The following SHANK2 variants were observed in gnomAD, a reference collection of about 807,000 sequenced individuals.
SHANK2 encodes the protein SH3 and multiple ankyrin repeat domains protein 2.
Under a neutral mutation model 133.7 loss-of-function variants are expected in SHANK2, and 43 were observed. That is an observed-to-expected ratio of 0.32 (90% CI 0.25 to 0.41). SHANK2 has a LOEUF of 0.41. Among genes scored for constraint, SHANK2 ranks in the 10% least tolerant of loss-of-function variants. SHANK2 has a pLI of 1.00. For synonymous variants in SHANK2, 1,017 were observed against 952.8 expected, an observed-to-expected ratio of 1.07 and a Z score of -1.24; for missense variants, 1,994 against 2,235.8, an observed-to-expected ratio of 0.89 and a Z score of 2.18.
chr11:70,817,787 T>C (rs565599318), intron 12 of SHANK2, among the ~76,000 whole-genome samples: 25 of 152,254 alleles, frequency 1.6e-4, no homozygotes, highest in African/African-American at 5.5e-4. Context: ...CAGGCCGGAG[T>C]GCAGTGGTGC....
At chr11:71,086,422 ATAT>A (rs1484035644) in intron 8 of SHANK2, among the ~76,000 whole-genome samples, 5 of 131,040 alleles carry the variant, frequency 3.8e-5, no homozygotes, top group Middle Eastern at 7.1e-3. Flanking sequence ...TATATAATAC[ATAT>A]TATATATTTA....
In SHANK2 at chr11:70,473,276, T is replaced by C. The variant is rs1401247629; in HGVS notation, c.5143A>G (p.Thr1715Ala). 1.5e-5 allele frequency: 24 copies of C among 1,613,328 alleles called. No homozygotes were observed. Among genetic ancestry groups the C allele is most frequent in the Non-Finnish European group, 1.7e-5 (20 of 1,179,464 alleles). Residue 1715 changes from threonine to alanine, a missense_variant, in exon 26 of 26, where the codon ACA becomes GCA. This residue lies in a region of SHANK2 where 797 missense variants were observed against 907.4 expected (regional missense o/e 0.88). Transcript: ENST00000601538. The surrounding 1 kb of genome is among the most constrained non-coding windows in gnomAD (Gnocchi z 5.9). ...RRAPSPVVSP[T>A]EMNKETLPAP... ...GGCAGGGTCTCTTTGTTCATCTCTGTTGGCGAGACCACAGGGCTTGGGGCA... is the reference window on the plus strand; with the variant it reads ...GGCAGGGTCTCTTTGTTCATCTCTGCTGGCGAGACCACAGGGCTTGGGGCA...
chr11:70,775,340 C>A (rs1224740720), intron 14 of SHANK2, among the ~76,000 whole-genome samples: 4 of 152,118 alleles, frequency 2.6e-5, no homozygotes, highest in African/African-American at 9.7e-5. Context: ...TTTGTAATCC[C>A]AGCTACTCGG....
rs1312050256 is a variant in SHANK2 at position 70,468,287 on chromosome 11, A to G, written c.*4582T>C. 3 of 152,198 alleles carry G rather than the reference A, an allele frequency of 2.0e-5. No individual in the cohort carries two copies. Among genetic ancestry groups the G allele is most frequent in the South Asian group, 2.1e-4 (1 of 4,832 alleles). The allele number at this position is 152,198 out of a possible 1,614,324, so 9.4% of individuals were successfully genotyped here. On this transcript the variant is annotated 3_prime_UTR_variant, in exon 26 of 26. Coordinates refer to ENST00000601538, the MANE Select transcript of SHANK2 (RefSeq NM_012309.5). ...TAATTTTGAACATAAAACGGTAAAG[A>G]CTGTGGAATGTAGAACAAGTTACAG...
At chr11:70,646,706 G>T (rs896033626) in intron 17 of SHANK2, among the ~76,000 whole-genome samples, 1 of 152,156 alleles carries the variant, frequency 6.6e-6, no homozygotes, top group Non-Finnish European at 1.5e-5. Flanking sequence ...ACCCCACGTG[G>T]TCCAGTCCTT....
chr11:71,210,210 G>GTGTATATATATATATATATATATATATA (rs1491563939), intron 2 of SHANK2, among the ~76,000 whole-genome samples: 1 of 54,072 alleles, frequency 1.8e-5, no homozygotes, highest in Non-Finnish European at 3.2e-5. Context: ...AAATCCACAG[G>GTGTATATATATATATATATATATATATA]TATATATATA....
At chr11:70,613,969 T>C (rs1270056908) in intron 17 of SHANK2, among the ~76,000 whole-genome samples, 6 of 152,132 alleles carry the variant, frequency 3.9e-5, no homozygotes, top group African/African-American at 1.4e-4. Context: ...CTTACTATGT[T>C]GGCCAAGCTA....
chr11:70,526,211 A>G (rs2059393982), intron 17 of SHANK2, among the ~76,000 whole-genome samples: 2 of 152,210 alleles, frequency 1.3e-5, no homozygotes, highest in Admixed American at 6.5e-5. Context: ...CTAGCAGCTA[A>G]GCAAGCGCTG....
rs953810547 is a variant in SHANK2, at chr11:70,719,604, T to C, written c.1778-20841A>G. Among the ~76,000 whole-genome samples, 55 of 152,200 alleles carry C rather than the reference T, an allele frequency of 3.6e-4. 1 individual carries two copies. Among genetic ancestry groups the C allele is most frequent in the African/African-American group, 1.2e-3 (49 of 41,534 alleles). On this transcript the variant is annotated intron_variant, in intron 14 of 25. Coordinates refer to ENST00000601538, the MANE Select transcript of SHANK2 (RefSeq NM_012309.5). ...TCTGCCCGTGGTCTGATGTGATCTA[T>C]GGGCAAATCGGAGGGTCATAAAAAT...
At chr11:70,950,570 C>T (rs1192873338) in intron 10 of SHANK2, among the ~76,000 whole-genome samples, 2 of 152,080 alleles carry the variant, frequency 1.3e-5, no homozygotes, top group Non-Finnish European at 2.9e-5. Flanking sequence ...CCAAAAGGTC[C>T]CACCTCTTCG....
At chr11:70,659,729 C>G in intron 17 of SHANK2, 99 bp downstream of exon 17, 3 of 1,486,620 alleles carry the variant, frequency 2.0e-6, no homozygotes, top group South Asian at 2.3e-5. Context: ...ACAAGCACCC[C>G]CAGACTGGGC....
At position 71,106,278 on chromosome 11, in the gene SHANK2, G is replaced by A. The variant is rs187110787; in HGVS notation, c.592+3663C>T. 4.3e-3 allele frequency among the ~76,000 whole-genome samples: 650 copies of A among 152,384 alleles called. 9 individuals are homozygous for A. The highest frequency in any genetic ancestry group is 6.5e-3 in the Non-Finnish European group (443 of 68,046). On this transcript the variant is annotated intron_variant, in intron 6 of 25. Coordinates refer to ENST00000601538, the MANE Select transcript of SHANK2 (RefSeq NM_012309.5). Reference sequence around the variant, plus strand: ...ATTTGGCAACAACCAGGAGAGAACTGATTCCATAATTCTGCCTTAAATTTT... The same window carrying A: ...ATTTGGCAACAACCAGGAGAGAACTAATTCCATAATTCTGCCTTAAATTTT...
At chr11:71,203,175 C>T (rs1240945855) in intron 2 of SHANK2, among the ~76,000 whole-genome samples, 1 of 152,120 alleles carries the variant, frequency 6.6e-6, no homozygotes, top group Non-Finnish European at 1.5e-5. Flanking sequence ...GGGGGAGGCG[C>T]AGGGTCTAGG....
At chr11:70,522,463 C>T (rs887393133) in intron 17 of SHANK2, among the ~76,000 whole-genome samples, 1 of 152,240 alleles carries the variant, frequency 6.6e-6, no homozygotes, top group Admixed American at 6.5e-5. Context: ...CACTTCTGCA[C>T]GTGCAGGGTT....
intron 14 of SHANK2, among the ~76,000 whole-genome samples, chr11:70,718,142 C>A (rs1398525184): frequency 1.3e-5 from 2 of 152,182 alleles, no homozygotes; most frequent in Non-Finnish European, 2.9e-5. Context: ...TTACGCATGC[C>A]ATTAGCAGGG....
chr11:70,546,970 G>A (rs1383084543), intron 17 of SHANK2, among the ~76,000 whole-genome samples: 2 of 152,054 alleles, frequency 1.3e-5, no homozygotes, highest in African/African-American at 4.8e-5. Context: ...AAGAACTCCC[G>A]ACCCTGGATA....
chr11:70,939,216 G>A (rs1176560648), intron 10 of SHANK2, among the ~76,000 whole-genome samples: 1 of 152,118 alleles, frequency 6.6e-6, no homozygotes, highest in Non-Finnish European at 1.5e-5. Context: ...TTAAAAAGAG[G>A]ATAGCTCCAA....
chr11:70,914,060 G>T (rs781905500), intron 10 of SHANK2, among the ~76,000 whole-genome samples: 1 of 152,188 alleles, frequency 6.6e-6, no homozygotes, highest in Non-Finnish European at 1.5e-5. Flanking sequence ...GAACAGGGCG[G>T]CGGTGGGGGA....
At chr11:70,796,298 G>A (rs781950067) in intron 14 of SHANK2, among the ~76,000 whole-genome samples, 2 of 152,156 alleles carry the variant, frequency 1.3e-5, no homozygotes, top group Non-Finnish European at 1.5e-5. Context: ...CCTGGAAGCC[G>A]CTACTCTCTG....
Sources: allele counts gnomAD v4.1 joint callset (sites outside exome capture counted in the v4.1 genomes callset), GRCh38; gene constraint gnomAD v4.1.1; regional missense constraint gnomAD v4.1.1; non-coding constraint Gnocchi (gnomAD v3.1); transcripts MANE v1.5; gene names NCBI Gene and HGNC (gene_info 2026-07-23, HGNC 2026-07-21).